STK3: variants seen among roughly 807,000 people sequenced by gnomAD.
STK3 encodes the protein serine/threonine-protein kinase 3.
In STK3, 41 loss-of-function variants were observed where a neutral mutation model predicts 58.0. That is an observed-to-expected ratio of 0.71 (90% CI 0.55 to 0.92). The LOEUF is 0.92. Among genes scored for constraint, STK3 ranks in the 40% least tolerant of loss-of-function variants. The pLI is 0.00. For synonymous variants in STK3, 170 were observed against 191.0 expected (o/e 0.89, Z 0.91); for missense variants, 479 against 602.7 (o/e 0.79, Z 2.15).
At chr8:98,657,575 T>C (rs568751828) in intron 6 of STK3, among the ~76,000 whole-genome samples, 4 of 152,264 alleles carry the variant, frequency 2.6e-5, no homozygotes, top group African/African-American at 9.6e-5. Flanking sequence ...ATTAAAATAT[T>C]TGTATTATAA....
intron 6 of STK3, among the ~76,000 whole-genome samples, chr8:98,636,662 A>G (rs1185336718): frequency 1.3e-5 from 2 of 152,194 alleles, no homozygotes; most frequent in Non-Finnish European, 2.9e-5. Flanking sequence ...TTACAAGAGT[A>G]TAAGTTACAC....
At chr8:98,445,801 A>G (rs1728943567) in intron 1 of STK3, among the ~76,000 whole-genome samples, 1 of 152,166 alleles carries the variant, frequency 6.6e-6, no homozygotes, top group Non-Finnish European at 1.5e-5. Context: ...CCCAACACCT[A>G]ACCTCAGCAA....
intron 10 of STK3, among the ~76,000 whole-genome samples, chr8:98,521,716 G>A (rs746933483): frequency 3.9e-5 from 6 of 152,044 alleles, no homozygotes; most frequent in Non-Finnish European, 7.4e-5. Context: ...AGACTTGAAG[G>A]TCTCTATTTC....
chr8:98,829,948 C>T (rs1016471450), upstream of STK3, among the ~76,000 whole-genome samples: 15 of 151,248 alleles, frequency 9.9e-5, no homozygotes, highest in Non-Finnish European at 1.5e-4. Flanking sequence ...GGGAAGAGGC[C>T]GGACGTGGTG....
At chr8:98,767,494 A>T in intron 2 of STK3, 123 bp from the exon 3 acceptor site, 1 of 901,596 alleles carries the variant, frequency 1.1e-6, no homozygotes, top group Non-Finnish European at 1.6e-6. Context: ...ATGATTAAAA[A>T]ATCAAAGTAA....
intron 7 of STK3, among the ~76,000 whole-genome samples, chr8:98,582,343 T>C (rs527981766): frequency 6.6e-6 from 1 of 152,056 alleles, no homozygotes; most frequent in African/African-American, 2.4e-5. Context: ...TATATATATA[T>C]TTTTTAGTTT....
intron 10 of STK3, among the ~76,000 whole-genome samples, chr8:98,474,580 G>A (rs1387192368): frequency 6.6e-6 from 1 of 152,136 alleles, no homozygotes; most frequent in Non-Finnish European, 1.5e-5. Flanking sequence ...TGCTTAGAAT[G>A]TTGTTCCACA....
At chr8:98,603,253 G>C (rs1026225184) in intron 6 of STK3, 4 of 147,558 alleles carry the variant, frequency 2.7e-5, no homozygotes, top group Non-Finnish European at 4.5e-5. Context: ...TTTTATTTTT[G>C]AGATGGAGTC....
At chr8:98,849,142 C>T (rs1160467322) in intron 3 of STK3, among the ~76,000 whole-genome samples, 1 of 149,774 alleles carries the variant, frequency 6.7e-6, no homozygotes, top group South Asian at 2.1e-4. Flanking sequence ...AGGAGAATGG[C>T]GTGAACCCAA....
intron 6 of STK3, among the ~76,000 whole-genome samples, chr8:98,674,968 A>G (rs1029939480): frequency 7.9e-5 from 12 of 151,530 alleles, no homozygotes; most frequent in Non-Finnish European, 1.0e-4. Flanking sequence ...TTTAATATGG[A>G]ATTAAATTAT....
intron 7 of STK3, 99 bp from the exon 8 acceptor site, chr8:98,579,888 G>A (rs1813721426): frequency 9.2e-7 from 1 of 1,088,286 alleles, no homozygotes; most frequent in Non-Finnish European, 1.2e-6. Flanking sequence ...AGGATCACAG[G>A]CTTCAATGAT....
At chr8:98,886,706 T>G (rs1396400271) in intron 1 of STK3, among the ~76,000 whole-genome samples, 1 of 152,222 alleles carries the variant, frequency 6.6e-6, no homozygotes, top group Non-Finnish European at 1.5e-5. Flanking sequence ...CATAGGAGAT[T>G]GGTTCCAGGA....
At chr8:98,441,102 G>T (rs1818678418) in intron 1 of STK3, among the ~76,000 whole-genome samples, 1 of 152,160 alleles carries the variant, frequency 6.6e-6, no homozygotes, top group Non-Finnish European at 1.5e-5. Context: ...GTGTTAATTT[G>T]TAATTCCACG....
At position 98,419,580 on chromosome 8, in the gene STK3, A is replaced by G. The variant is rs141325004; in HGVS notation, n.483+14547T>C. Among the ~76,000 whole-genome samples the G allele has an allele frequency of 2.0e-5, 3 of 152,332 alleles. No homozygotes were observed. In the East Asian group the frequency reaches 5.8e-4, roughly 29 times the overall value. ...ACCAGGACTCCTAGAGAGCCTGGGC[A>G]TCCTGGGCTGCATCCTGGACCTGGA... On this transcript the variant is annotated intron_variant and non_coding_transcript_variant, in intron 3 of 3. Transcript: ENST00000517832.
intron 1 of STK3, among the ~76,000 whole-genome samples, chr8:98,926,634 C>T (rs963280034): frequency 7.2e-5 from 11 of 151,952 alleles, no homozygotes; most frequent in Admixed American, 2.6e-4. Flanking sequence ...GAACCAAAGC[C>T]GTAAAAGAAT....
In STK3 at chr8:98,871,532, G is replaced by A. The variant is rs532041996; in HGVS notation, c.110+12115C>T. On this transcript the variant is annotated intron_variant, in intron 3 of 12. Transcript: ENST00000523601. ...CTTTTATTTCATTGAGCAGTGGTTT[G>A]TAGTTCTCCTTGAAGAGGTCCTTCA... 4.6e-5 allele frequency among the ~76,000 whole-genome samples: 7 copies of A among 152,278 alleles called. 1 individual carries two copies.
chr8:98,524,471 C>G (rs1825602942), intron 10 of STK3, among the ~76,000 whole-genome samples: 1 of 152,176 alleles, frequency 6.6e-6, no homozygotes, highest in Admixed American at 6.5e-5. Flanking sequence ...AATATTAAAG[C>G]TTATAATCTA....
chr8:98,481,681 G>A (rs1305298890), intron 10 of STK3, among the ~76,000 whole-genome samples: 1 of 147,928 alleles, frequency 6.8e-6, no homozygotes, highest in Non-Finnish European at 1.5e-5. Context: ...TATACAACTT[G>A]CCCATGCAAC....
chr8:98,755,097 C>A (rs1277014377), intron 3 of STK3, among the ~76,000 whole-genome samples: 1 of 152,244 alleles, frequency 6.6e-6, no homozygotes, highest in African/African-American at 2.4e-5. Context: ...CATGGCCCAT[C>A]TAACACCCAC....
Sources: allele counts gnomAD v4.1 joint callset (sites outside exome capture counted in the v4.1 genomes callset), GRCh38; gene constraint gnomAD v4.1.1; transcripts MANE v1.5; gene names NCBI Gene and HGNC (gene_info 2026-07-23, HGNC 2026-07-21).